The following PDE4B variants were observed in gnomAD, a reference collection of about 807,000 sequenced individuals.
The protein encoded by PDE4B is phosphodiesterase 4B.
Under a neutral mutation model 82.2 loss-of-function variants are expected in PDE4B, and 20 were observed. That is an observed-to-expected ratio of 0.24 (90% confidence interval 0.17 to 0.35). The LOEUF is 0.35. Among genes scored for constraint, PDE4B ranks in the 10% least tolerant of loss-of-function variants. The pLI, the probability that PDE4B is intolerant of heterozygous loss-of-function variation, is 1.00. For synonymous variants in PDE4B, 320 were observed against 318.9 expected, an observed-to-expected ratio of 1.00 and a Z score of -0.04; for missense variants, 655 against 907.2, an observed-to-expected ratio of 0.72 and a Z score of 3.57.
At chr1:66,332,252 G>T (rs1007621377) in intron 7 of PDE4B, 16 of 1,461,378 alleles carry the variant, frequency 1.1e-5, no homozygotes, top group Non-Finnish European at 1.3e-5. Context: ...CTCAGAGGAA[G>T]TTTCTTGGTA....
intron 3 of PDE4B, chr1:66,094,692 C>T (rs1645082646): frequency 6.6e-6 from 1 of 151,912 alleles, no homozygotes; most frequent in South Asian, 2.1e-4. Flanking sequence ...TTTATTAATT[C>T]CAGAATCATG....
chr1:66,098,704 A>G (rs1422950361), intron 3 of PDE4B, among the ~76,000 whole-genome samples: 1 of 152,164 alleles, frequency 6.6e-6, no homozygotes, highest in East Asian at 1.9e-4. Flanking sequence ...TCTAAAGACT[A>G]TAATGGGCGT....
At chr1:65,995,612 G>A (rs754971436) in intron 3 of PDE4B, among the ~76,000 whole-genome samples, 19 of 152,082 alleles carry the variant, frequency 1.2e-4, no homozygotes, top group Non-Finnish European at 2.2e-4. Context: ...AAAATTTCAT[G>A]TGCTTTTTTA....
rs573092809 is a variant in PDE4B at position 66,172,949 on chromosome 1, G to A, written c.282-74511G>A. 3.0e-4 allele frequency among the ~76,000 whole-genome samples: 46 copies of A among 152,160 alleles called. 2 individuals carry two copies. In the South Asian group the frequency reaches 8.5e-3, roughly 28 times the overall value. On this transcript the variant is annotated intron_variant, in intron 3 of 16. Coordinates refer to ENST00000341517, the MANE Select transcript of PDE4B (RefSeq NM_002600.4). ...CTTTCTATGTACCAGGTACTGTGCTGGCTTCTGGAATCTGAAGTTGTATAA... is the reference window on the plus strand; with the variant it reads ...CTTTCTATGTACCAGGTACTGTGCTAGCTTCTGGAATCTGAAGTTGTATAA...
intron 7 of PDE4B, among the ~76,000 whole-genome samples, chr1:66,321,007 T>C (rs1557699131): frequency 1.3e-5 from 2 of 152,152 alleles, no homozygotes; most frequent in East Asian, 1.9e-4. Flanking sequence ...GCTGAGTATA[T>C]CAGGCTTGAG....
intron 7 of PDE4B, among the ~76,000 whole-genome samples, chr1:66,319,592 T>C (rs1232327255): frequency 6.6e-6 from 1 of 152,160 alleles, no homozygotes; most frequent in Non-Finnish European, 1.5e-5. Context: ...GAACTTGGAG[T>C]CAGAAAGCCT....
At chr1:66,191,395 A>T (rs1250067167) in intron 3 of PDE4B, among the ~76,000 whole-genome samples, 2 of 152,234 alleles carry the variant, frequency 1.3e-5, no homozygotes, top group African/African-American at 4.8e-5. Flanking sequence ...TCTCCTATAC[A>T]TTCACAAGTC....
At chr1:66,349,041 T>C (rs1661624817) in intron 8 of PDE4B, among the ~76,000 whole-genome samples, 1 of 151,958 alleles carries the variant, frequency 6.6e-6, no homozygotes, top group Non-Finnish European at 1.5e-5. Flanking sequence ...CTGAGAAAAA[T>C]GGACAGCAGA....
intron 3 of PDE4B, among the ~76,000 whole-genome samples, chr1:66,205,332 T>G (rs1048751293): frequency 2.0e-5 from 3 of 152,216 alleles, no homozygotes; most frequent in African/African-American, 7.2e-5. Context: ...TAAATCTCCC[T>G]TTTAAACTTG....
At chr1:66,032,412 A>G (rs188103691) in intron 3 of PDE4B, among the ~76,000 whole-genome samples, 2 of 152,314 alleles carry the variant, frequency 1.3e-5, no homozygotes, top group East Asian at 3.9e-4. Flanking sequence ...TTGTATAAAG[A>G]CACATATAAA....
intron 1 of PDE4B, among the ~76,000 whole-genome samples, chr1:65,818,318 C>A (rs1645909044): frequency 1.3e-5 from 2 of 152,118 alleles, no homozygotes; most frequent in Admixed American, 1.3e-4. Flanking sequence ...TATTCTTCAA[C>A]CTTATTAAAT....
intron 9 of PDE4B, 42 bp from the exon 10 acceptor site, chr1:66,361,573 T>C (rs764711555): frequency 7.2e-6 from 11 of 1,529,658 alleles, no homozygotes; most frequent in South Asian, 3.5e-5. Context: ...TGGATTCTCA[T>C]AGACACATGT....
At chr1:66,278,065 T>C (rs1656021596) in intron 7 of PDE4B, among the ~76,000 whole-genome samples, 1 of 152,202 alleles carries the variant, frequency 6.6e-6, no homozygotes, top group Admixed American at 6.5e-5. Context: ...TTTTAATATA[T>C]TGTAACTGCC....
At chr1:65,887,231 T>TTTCC (rs1646792343) in intron 1 of PDE4B, among the ~76,000 whole-genome samples, 2 of 28,848 alleles carry the variant, frequency 6.9e-5, no homozygotes, top group African/African-American at 3.2e-4. Flanking sequence ...TCTTTCTTTC[T>TTTCC]TTCTTTCTTT....
At chr1:66,049,226 G>A (rs1654885791) in intron 3 of PDE4B, among the ~76,000 whole-genome samples, 2 of 152,002 alleles carry the variant, frequency 1.3e-5, no homozygotes, top group African/African-American at 4.8e-5. Context: ...TAAAATTGAG[G>A]TGCTGCTTTA....
intron 3 of PDE4B, among the ~76,000 whole-genome samples, chr1:66,188,581 A>G (rs900979907): frequency 9.9e-5 from 15 of 151,378 alleles, no homozygotes; most frequent in Non-Finnish European, 1.8e-4. Context: ...TCCCTTTACC[A>G]TTATGTAATG....
chr1:66,146,476 G>A (rs985804781), intron 3 of PDE4B, among the ~76,000 whole-genome samples: 14 of 152,098 alleles, frequency 9.2e-5, no homozygotes, highest in African/African-American at 3.4e-4. Flanking sequence ...GAGCCACCGT[G>A]CCTGGCCTGG....
intron 1 of PDE4B, among the ~76,000 whole-genome samples, chr1:65,867,607 T>C (rs1041871005): frequency 6.6e-6 from 1 of 152,238 alleles, no homozygotes; most frequent in Admixed American, 6.5e-5. Context: ...CTTGTCTTTT[T>C]TATCTTAATG....
At chr1:65,896,959 G>C (rs1029378034) in intron 1 of PDE4B, among the ~76,000 whole-genome samples, 1 of 152,106 alleles carries the variant, frequency 6.6e-6, no homozygotes, top group African/African-American at 2.4e-5. Flanking sequence ...GAGGTTGAAA[G>C]AGGGCATTTT....
Sources: allele counts gnomAD v4.1 joint callset (sites outside exome capture counted in the v4.1 genomes callset), GRCh38; gene constraint gnomAD v4.1.1; transcripts MANE v1.5; gene names NCBI Gene and HGNC (gene_info 2026-07-23, HGNC 2026-07-21).